F8: variants seen among roughly 807,000 people sequenced by gnomAD.
The protein encoded by F8 is antihemophilic factor.
Under a neutral mutation model 140.6 loss-of-function variants are expected in F8, and 12 were observed. The observed-to-expected ratio is 0.09, with a 90% confidence interval of 0.05 to 0.14. F8 has a LOEUF of 0.14. F8 is among the 10% of genes least tolerant of loss of function. The pLI is 1.00. For synonymous variants in F8, 585 were observed against 614.6 expected (o/e 0.95, Z 0.71); for missense variants, 1,354 against 1,720.7 (o/e 0.79, Z 3.77).
rs782427714 is a variant in F8 at position 154,906,345 on chromosome X, G to A, written c.5373+75C>T. 3.0e-5 allele frequency: 29 copies of A among 966,186 alleles called. No homozygotes were observed. In the African/African-American group the frequency reaches 5.2e-4, roughly 17 times the overall value. 79.6% of individuals were successfully genotyped at this position (966,186 alleles called of 1,213,427 possible). Reference sequence around the variant, plus strand: ...CTATACTTTAAAAATTTCCAAAAGTGGGAATACATTATAGTCAGCAAGAAA... The same window carrying A: ...CTATACTTTAAAAATTTCCAAAAGTAGGAATACATTATAGTCAGCAAGAAA... On this transcript the variant is annotated intron_variant, in intron 15 of 25. Coordinates refer to ENST00000360256, the MANE Select transcript of F8 (RefSeq NM_000132.4).
Position 154,992,303 on chromosome X carries a change from A to C in F8, c.601+633T>G, listed in dbSNP as rs140106233. On this transcript the variant is annotated intron_variant, in intron 4 of 25. Coordinates refer to ENST00000360256, the MANE Select transcript of F8 (RefSeq NM_000132.4). ...TTATGCAGTAAAAGATAAATGGAAC[A>C]AGGAAAAGGTACAGTGAAGCTGATT... 7.8e-3 allele frequency among the ~76,000 whole-genome samples: 871 copies of C among 112,266 alleles called. 11 individuals are homozygous for C. The highest frequency in any genetic ancestry group is 0.026 in the African/African-American group (796 of 30,938).
chrX:155,018,650 T>C (rs891661881), intron 1 of F8, among the ~76,000 whole-genome samples: 2 of 111,712 alleles, frequency 1.8e-5, no homozygotes, highest in Non-Finnish European at 3.8e-5. Flanking sequence ...TAATGTGGAG[T>C]AAAAGAATCA....
chrX:154,845,710 T>C (rs1301414845), intron 25 of F8, among the ~76,000 whole-genome samples: 3 of 112,150 alleles, frequency 2.7e-5, no homozygotes, highest in Non-Finnish European at 5.6e-5. Context: ...TTGCTAGTGT[T>C]CTATCAATTT....
chrX:154,929,259 C>T lies in F8; in HGVS notation c.4531G>A (p.Val1511Ile), dbSNP rs186353717. 7.6e-5 allele frequency: 92 copies of T among 1,210,389 alleles called. No individual in the cohort carries two copies. In the East Asian group the frequency reaches 2.5e-3, roughly 33 times the overall value. ...KPDLPKTSGK[V>I]ELLPKVHIYQ... Reference sequence around the variant, plus strand: ...ATGTGAACTTTTGGAAGCAATTCAACTTTGCCAGATGTTTTGGGCAAGTCT... The same window carrying T: ...ATGTGAACTTTTGGAAGCAATTCAATTTTGCCAGATGTTTTGGGCAAGTCT... The change falls in exon 14 of 26, where the codon GTT becomes ATT. Residue 1511 changes from valine (V) to isoleucine (I), a missense_variant. This residue lies in a region of F8 where 658 missense variants were observed against 666.5 expected (regional missense o/e 0.99). Coordinates refer to ENST00000360256, the MANE Select transcript of F8 (RefSeq NM_000132.4).
chrX:154,843,064 G>A (rs1179390105), intron 25 of F8, among the ~76,000 whole-genome samples: 1 of 111,528 alleles, frequency 9.0e-6, no homozygotes, highest in Non-Finnish European at 1.9e-5. Context: ...TTTTGTCCTT[G>A]TGATAGTTTT....
Position 154,903,950 on chromosome X carries a change from C to T in F8, c.5954G>A (p.Arg1985Gln), listed in dbSNP as rs1490417405. 12 of 1,207,243 alleles carry T rather than the reference C, an allele frequency of 9.9e-6. No homozygotes were observed. The highest frequency in any genetic ancestry group is 1.2e-5 in the Non-Finnish European group (11 of 893,507). Reference protein sequence around the residue: ...IHFSGHVFTVRKKEEYKMALY... With the variant: ...IHFSGHVFTVQKKEEYKMALY... The stretch of plus-strand genomic sequence containing the variant: ...TGCCATTTTATACTCCTCTTTTTTT[C>T]GTACAGTGAACACATGTCCACTGAA... The change falls in exon 18 of 26, where the codon CGA becomes CAA. Residue 1985 changes from arginine to glutamine, a missense_variant. Physicochemically the swap from Arg to Gln is conservative, Grantham distance 43. Around this residue, in one of 4 missense-constraint regions of F8, gnomAD observed 316 missense variants for 485.4 expected, o/e 0.65. Coordinates refer to ENST00000360256, the MANE Select transcript of F8 (RefSeq NM_000132.4).
chrX:154,996,724 G>A (rs781795149), intron 3 of F8, among the ~76,000 whole-genome samples: 1 of 111,993 alleles, frequency 8.9e-6, no homozygotes, highest in East Asian at 2.8e-4. Context: ...AATGACTGGT[G>A]TCCACTACAC....
chrX:154,837,703 T>A lies in F8; in HGVS notation c.6950A>T (p.Asp2317Val). Reference protein sequence around the residue: ...DSFTPVVNSLDPPLLTRYLRI... With the variant: ...DSFTPVVNSLVPPLLTRYLRI... Reference sequence around the variant, plus strand: ...AAGGTAGCGAGTCAGTAACGGTGGGTCTAGAGAGTTCACCACAGGTGTGAA... The same window carrying A: ...AAGGTAGCGAGTCAGTAACGGTGGGACTAGAGAGTTCACCACAGGTGTGAA... Residue 2317 changes from aspartate to valine, a missense_variant, in exon 26 of 26, where the codon GAC (aspartate) becomes GTC (valine). By Grantham distance (152) the Asp-to-Val change is radical. This residue lies in a region of F8 where 316 missense variants were observed against 485.4 expected (regional missense o/e 0.65). Coordinates refer to ENST00000360256, the MANE Select transcript of F8 (RefSeq NM_000132.4). 8.3e-7 allele frequency: 1 copy of A among 1,210,975 alleles called. No individual in the cohort carries two copies.
chrX:154,957,072 C>T lies in F8; in HGVS notation c.1637G>A (p.Arg546Gln), dbSNP rs375945299. Reference sequence around the variant, plus strand: ...ACTAGAGTAATAGCGGGTCAGGCACCGAGGATCTGATTTAGTTGGCCCATC... The same window carrying T: ...ACTAGAGTAATAGCGGGTCAGGCACTGAGGATCTGATTTAGTTGGCCCATC... ...VEDGPTKSDP[R>Q]CLTRYYSSFV... The change falls in exon 11 of 26, where the codon CGG becomes CAG. Residue 546 changes from arginine (R) to glutamine (Q), a missense_variant. Around this residue, in one of 4 missense-constraint regions of F8, gnomAD observed 252 missense variants for 338.5 expected, o/e 0.74. Coordinates refer to ENST00000360256, the MANE Select transcript of F8 (RefSeq NM_000132.4). The T allele has an allele frequency of 5.0e-5, 60 of 1,207,805 alleles. No individual in the cohort carries two copies. Among genetic ancestry groups the T allele is most frequent in the African/African-American group, 3.0e-4 (17 of 56,986 alleles).
At chrX:154,892,027 G>A (rs901639063) in intron 22 of F8, among the ~76,000 whole-genome samples, 9 of 111,574 alleles carry the variant, frequency 8.1e-5, no homozygotes, top group African/African-American at 2.6e-4. Context: ...GGGGAATTTG[G>A]AGGTTTGCAA....
intron 7 of F8, 98 bp downstream of exon 7, chrX:154,969,233 T>G (rs2073441476): frequency 8.6e-6 from 7 of 813,146 alleles, no homozygotes; most frequent in South Asian, 2.4e-5. Context: ...TAATGTCCCC[T>G]TCAGCAACAC....
intron 1 of F8, among the ~76,000 whole-genome samples, chrX:155,012,162 A>G (rs782030680): frequency 4.4e-5 from 5 of 112,542 alleles, no homozygotes; most frequent in Non-Finnish European, 9.4e-5. Flanking sequence ...GTATATGTCA[A>G]TAAAAATGTG....
intron 13 of F8, among the ~76,000 whole-genome samples, chrX:154,943,297 G>C (rs1292768925): frequency 1.8e-5 from 2 of 111,880 alleles, no homozygotes; most frequent in Non-Finnish European, 3.8e-5. Context: ...ATCTCCTTAA[G>C]CTGATAAGCA....
intron 22 of F8, among the ~76,000 whole-genome samples, chrX:154,871,002 A>T (rs1009154294): frequency 5.3e-5 from 6 of 112,207 alleles, no homozygotes; most frequent in Non-Finnish European, 9.4e-5. Context: ...GATGTGAAGG[A>T]CCTCTTCAAG....
intron 1 of F8, among the ~76,000 whole-genome samples, chrX:155,019,978 T>C (rs1346756557): frequency 8.9e-6 from 1 of 112,039 alleles, no homozygotes; most frequent in Non-Finnish European, 1.9e-5. Flanking sequence ...AGGTCTGAGT[T>C]TAATGAAATT....
rs1366151044 is a variant in F8 at position 155,011,806 on chromosome X, T to A, written c.143+10604A>T. On this transcript the variant is annotated intron_variant, in intron 1 of 25. Transcript: ENST00000360256. ...TGAAAATAGTTTCATTCTTACTATA[T>A]CTTTATTTTCTTATTTTAACTCCTC... Among the ~76,000 whole-genome samples, 6 of 112,542 alleles carry A rather than the reference T, an allele frequency of 5.3e-5. No homozygotes were observed. The East Asian group carries it at 8.3e-4, about 16-fold the overall frequency.
chrX:154,930,839 G>C lies in F8; in HGVS notation c.2951C>G (p.Ser984Trp), dbSNP rs781861130. Residue 984 changes from serine (S) to tryptophan (W), a missense_variant, in exon 14 of 26, where the codon TCG (serine) becomes TGG (tryptophan). Transcript: ENST00000360256. Reference sequence around the variant, plus strand: ...AAATAACCTACCACTCTCTGTTGACGATACATTTTTTCCCCATGAACTTTC... The same window carrying C: ...AAATAACCTACCACTCTCTGTTGACCATACATTTTTTCCCCATGAACTTTC... ...SQESSWGKNV[S>W]STESGRLFKG... The C allele has an allele frequency of 8.3e-7, 1 of 1,207,612 alleles. No individual in the cohort carries two copies. Among genetic ancestry groups the C allele is most frequent in the Non-Finnish European group, 1.1e-6 (1 of 893,135 alleles).
chrX:155,016,429 A>G (rs2073734858), intron 1 of F8, among the ~76,000 whole-genome samples: 1 of 112,006 alleles, frequency 8.9e-6, no homozygotes, highest in Non-Finnish European at 1.9e-5. Context: ...CCACTCCTAG[A>G]TATTTAACTA....
intron 20 of F8, among the ~76,000 whole-genome samples, chrX:154,900,839 C>T (rs1351618344): frequency 1.8e-5 from 2 of 111,945 alleles, no homozygotes; most frequent in Non-Finnish European, 1.9e-5. Flanking sequence ...AATTAATGGA[C>T]GTGGCTGTGT....
Sources: allele counts gnomAD v4.1 joint callset (sites outside exome capture counted in the v4.1 genomes callset), GRCh38; gene constraint gnomAD v4.1.1; regional missense constraint gnomAD v4.1.1; transcripts MANE v1.5; gene names NCBI Gene and HGNC (gene_info 2026-07-23, HGNC 2026-07-21).